Variants in DST observed in about 807,000 individuals in gnomAD.
The protein encoded by DST is bullous pemphigoid antigen.
DST carries 253 observed loss-of-function variants against 875.2 expected under a neutral mutation model. The observed-to-expected ratio is 0.29, with a 90% CI of 0.26 to 0.32. The LOEUF is 0.32. Among genes scored for constraint, DST ranks in the 10% least tolerant of loss-of-function variants. The pLI, the probability that DST is intolerant of heterozygous loss-of-function variation, is 1.00. For synonymous variants in DST, 3,124 were observed against 3,197.1 expected, an observed-to-expected ratio of 0.98 and a Z score of 0.77; for missense variants, 8,287 against 9,111.6, an observed-to-expected ratio of 0.91 and a Z score of 3.68.
In DST at chr6:56,645,928, C is replaced by T. The variant is rs1304336116; in HGVS notation, c.1716G>A (p.Glu572=). 2 of 1,613,860 alleles carry T rather than the reference C, an allele frequency of 1.2e-6. No homozygotes were observed. Among genetic ancestry groups the T allele is most frequent in the South Asian group, 2.2e-5 (2 of 91,074 alleles). The change falls in exon 15 of 104, where the codon GAG becomes GAA. Residue 572 remains glutamate (E), a synonymous_variant. Transcript: ENST00000680361. ...GCATGGCAATAATGAGTTTCCCCCA[C>T]TCTTTTTCTATGTCATTTGGATGAT... is the stretch of plus-strand genomic sequence containing the variant. ...QGYHPNDIEK[E]WGKLIIAMLE...
intron 2 of DST, among the ~76,000 whole-genome samples, chr6:56,916,937 C>G (rs1269752565): frequency 6.7e-6 from 1 of 148,404 alleles, no homozygotes; most frequent in Non-Finnish European, 1.5e-5. Flanking sequence ...TTCACTGGGC[C>G]CCCATGAAAT....
chr6:56,509,632 A>G lies in DST; in HGVS notation c.19012+10T>C. 2.5e-6 allele frequency: 4 copies of G among 1,602,076 alleles called. No individual in the cohort carries two copies. The highest frequency in any genetic ancestry group is 3.4e-6 in the Non-Finnish European group (4 of 1,171,024). On this transcript the variant is annotated intron_variant, in intron 74 of 103. Transcript: ENST00000680361. ...CTTTAAAATTTGTTTCCCTATTCCA[A>G]AAGTATTACCTTTGGCAGATATGTC...
chr6:56,634,276 G>A lies in DST; in HGVS notation c.3495-18C>T. The A allele has an allele frequency of 6.2e-7, 1 of 1,613,710 alleles. No individual in the cohort carries two copies. The highest frequency in any genetic ancestry group is 8.5e-7 in the Non-Finnish European group (1 of 1,179,992). ...GCTCAATTCTGAAATACATGAAAGA[G>A]AACTCAGATTAATGTTTTTACTCCC... On this transcript the variant is annotated intron_variant, in intron 26 of 103. Coordinates refer to ENST00000680361, the MANE Select transcript of DST (RefSeq NM_001374736.1).
intron 89 of DST, 66 bp downstream of exon 89, chr6:56,482,617 A>G: frequency 6.6e-7 from 1 of 1,519,544 alleles, no homozygotes; most frequent in Non-Finnish European, 8.9e-7. Flanking sequence ...TTTTTACTAG[A>G]ATAGTTCTTG....
At chr6:56,764,552 T>A (rs1396244539) in intron 4 of DST, among the ~76,000 whole-genome samples, 2 of 152,164 alleles carry the variant, frequency 1.3e-5, no homozygotes, top group Non-Finnish European at 2.9e-5. Context: ...GCAATGACCT[T>A]GTTTCATGTC....
chr6:56,913,551 C>T (rs957477315), intron 2 of DST, among the ~76,000 whole-genome samples: 2 of 152,204 alleles, frequency 1.3e-5, no homozygotes, highest in African/African-American at 2.4e-5. Context: ...GTAGCTGCAA[C>T]AGAGATCATA....
chr6:56,499,490 C>T (rs2096046817), intron 80 of DST, among the ~76,000 whole-genome samples: 1 of 152,106 alleles, frequency 6.6e-6, no homozygotes, highest in Admixed American at 6.6e-5. Flanking sequence ...ATTCATTCTT[C>T]TGAATGGTCT....
intron 53 of DST, 42 bp downstream of exon 53, chr6:56,572,058 A>G (rs2097788643): frequency 8.5e-7 from 1 of 1,181,542 alleles, no homozygotes; most frequent in African/African-American, 1.6e-5. Context: ...CACTCTAATT[A>G]ATATAAATAG....
In DST at chr6:56,720,274, GTTCCACCTGGCTCAAC is replaced by G. The variant is rs558484969; in HGVS notation, c.687+14938_687+14953del. On this transcript the variant is annotated intron_variant, in intron 5 of 103. Coordinates refer to ENST00000680361, the MANE Select transcript of DST (RefSeq NM_001374736.1). ...TTTTGAAAGAAGAGAAATAGGCTCT[GTTCCACCTGGCTCAAC>G]AGCAGTCAGAGTTTAAGGTTATCTC... 5.9e-4 allele frequency among the ~76,000 whole-genome samples: 89 copies of G among 151,422 alleles called. 2 individuals are homozygous for G. In the East Asian group the frequency reaches 0.014, roughly 24 times the overall value.
At position 56,945,006 on chromosome 6, in the gene DST, A is replaced by C. The variant is rs564281144; in HGVS notation, c.216+8779T>G. On this transcript the variant is annotated intron_variant, in intron 2 of 103. Transcript: ENST00000680361. ...ACTGTGCCAACCATTCTCCAACCAC[A>C]AGAGAATGACAAGATTATCCCAAAT... Among the ~76,000 whole-genome samples the C allele has an allele frequency of 7.9e-5, 12 of 152,300 alleles. No homozygotes were observed. In the East Asian group the frequency reaches 2.1e-3, roughly 27 times the overall value.
chr6:56,611,436 C>G (rs755859925), intron 38 of DST, 72 bp downstream of exon 38: 12 of 1,017,490 alleles, frequency 1.2e-5, no homozygotes, highest in Non-Finnish European at 1.7e-5. Flanking sequence ...AAATTTACCA[C>G]CTCTGTTTTG....
chr6:56,473,730 C>A, intron 93 of DST, 143 bp downstream of exon 93: 1 of 743,346 alleles, frequency 1.3e-6, no homozygotes, highest in Non-Finnish European at 2.1e-6. Context: ...TACTTGAGCA[C>A]ACGTATTCCT....
chr6:56,849,309 G>A (rs1478898845), intron 4 of DST, among the ~76,000 whole-genome samples: 1 of 151,748 alleles, frequency 6.6e-6, no homozygotes, highest in Non-Finnish European at 1.5e-5. Context: ...GCTAATTTTT[G>A]TATTTTTAGT....
intron 20 of DST, 26 bp downstream of exon 20, chr6:56,639,670 C>G: frequency 6.2e-7 from 1 of 1,611,860 alleles, no homozygotes; most frequent in Non-Finnish European, 8.5e-7. Context: ...ATAAGGGAAA[C>G]AGAAGGTTTA....
chr6:56,517,576 T>C lies in DST; in HGVS notation c.18174A>G (p.Thr6058=), dbSNP rs776341010. The change falls in exon 70 of 104, where the codon ACA becomes ACG. Residue 6058 remains threonine (T), a synonymous_variant. Transcript: ENST00000680361. ...ADAELSWITE[T]EKKLMSLGDI... is the part of the protein sequence containing the mutation. ...CACCCAGAGACATCAATTTTTTTTC[T>C]GTTTCAGTAATCCAGGATAACTCAG... is the stretch of plus-strand genomic sequence containing the variant. The C allele has an allele frequency of 1.2e-6, 2 of 1,613,358 alleles. No individual in the cohort carries two copies. Among genetic ancestry groups the C allele is most frequent in the Non-Finnish European group, 8.5e-7 (1 of 1,179,592 alleles).
chr6:56,606,411 G>A lies in DST; in HGVS notation c.8217C>T (p.Asp2739=), dbSNP rs2098498570. 4.3e-6 allele frequency: 7 copies of A among 1,613,266 alleles called. No individual in the cohort carries two copies. Among genetic ancestry groups the A allele is most frequent in the African/African-American group, 1.3e-5 (1 of 74,868 alleles). The change falls in exon 40 of 104, where the codon GAC becomes GAT. Residue 2739 remains aspartate (D), a synonymous_variant. Transcript: ENST00000680361. ...CTNILEGDES[D]SLTDYDIVGG... is the part of the protein sequence containing the mutation. Reference sequence around the variant, plus strand: ...CTACAATATCATAATCAGTCAATGAGTCAGATTCATCACCTTCAAGGATAT... The same window carrying A: ...CTACAATATCATAATCAGTCAATGAATCAGATTCATCACCTTCAAGGATAT...
chr6:56,891,023 C>T (rs1006299260), intron 3 of DST, among the ~76,000 whole-genome samples: 13 of 152,208 alleles, frequency 8.5e-5, no homozygotes, highest in Admixed American at 3.3e-4. Flanking sequence ...GCTTTAGACG[C>T]ATGTTGAATA....
intron 4 of DST, among the ~76,000 whole-genome samples, chr6:56,806,801 C>T (rs1003818117): frequency 2.0e-5 from 3 of 152,114 alleles, no homozygotes; most frequent in Non-Finnish European, 4.4e-5. Context: ...TTCACTTAAC[C>T]CTTAGACAAA....
In DST at chr6:56,619,942, G is replaced by C. The variant is rs773365984; in HGVS notation, c.4929+4588C>G. 19 of 1,613,978 alleles carry C rather than the reference G, an allele frequency of 1.2e-5. No individual in the cohort carries two copies. The highest frequency in any genetic ancestry group is 1.6e-5 in the Non-Finnish European group (19 of 1,180,040). ...CTGTTAGTTCATCTACCTGCTGTTT[G>C]AGTTCTTCTGCTTTCTGCTTGTCAT... is the stretch of plus-strand genomic sequence containing the variant. On this transcript the variant is annotated intron_variant, in intron 36 of 103. Transcript: ENST00000680361.
Sources: allele counts gnomAD v4.1 joint callset (sites outside exome capture counted in the v4.1 genomes callset), GRCh38; gene constraint gnomAD v4.1.1; transcripts MANE v1.5; gene names NCBI Gene and HGNC (gene_info 2026-07-23, HGNC 2026-07-21).